Variants in MGA observed in about 807,000 individuals in gnomAD.
The protein encoded by MGA is MAX dimerization protein MGA.
A neutral mutation model predicts 261.1 loss-of-function variants in MGA; 40 were observed. The observed-to-expected ratio is 0.15, with a 90% CI of 0.12 to 0.20. The LOEUF is 0.20. MGA is among the 10% of genes least tolerant of loss of function. MGA has a pLI of 1.00. For synonymous variants in MGA, 1,302 were observed against 1,290.6 expected (o/e 1.01, Z -0.19); for missense variants, 3,397 against 3,630.5 (o/e 0.94, Z 1.65).
chr15:41,702,248 G>A (rs577562475), intron 5 of MGA, among the ~76,000 whole-genome samples: 14 of 151,860 alleles, frequency 9.2e-5, no homozygotes, highest in South Asian at 4.2e-4. Context: ...TTGAAAACCC[G>A]GGAGGCGGAG....
chr15:41,741,962 G>A (rs933401347), intron 14 of MGA, among the ~76,000 whole-genome samples: 3 of 151,348 alleles, frequency 2.0e-5, no homozygotes, highest in Admixed American at 6.6e-5. Flanking sequence ...TGCCCACCTC[G>A]GCCTCCCAAA....
chr15:41,758,906 A>G (rs1300378824), intron 19 of MGA, among the ~76,000 whole-genome samples: 1 of 152,206 alleles, frequency 6.6e-6, no homozygotes, highest in African/African-American at 2.4e-5. Flanking sequence ...TTCACTTTGT[A>G]TGAGTAGTGT....
intron 1 of MGA, among the ~76,000 whole-genome samples, chr15:41,630,395 C>T (rs1317112449): frequency 1.3e-5 from 2 of 152,150 alleles, no homozygotes; most frequent in Non-Finnish European, 2.9e-5. Flanking sequence ...CATTTGTTTT[C>T]CCAGTGCTTG....
At chr15:41,707,687 C>A (rs2151442076) in intron 5 of MGA, 41 bp from the exon 6 acceptor site, 3 of 1,537,604 alleles carry the variant, frequency 2.0e-6, no homozygotes, top group South Asian at 2.5e-5. Flanking sequence ...AATATGATTT[C>A]TGATTAATCT....
At chr15:41,704,539 T>TC (rs994324625) in intron 5 of MGA, among the ~76,000 whole-genome samples, 5 of 152,314 alleles carry the variant, frequency 3.3e-5, no homozygotes, top group East Asian at 3.9e-4. Flanking sequence ...GCACCTGTAG[T>TC]CCCAGCTGCT....
rs561561375 is a variant in MGA at position 41,766,957 on chromosome 15, G to A, written c.8875G>A (p.Glu2959Lys). Residue 2959 changes from glutamate to lysine, a missense_variant, in exon 24 of 24, where the codon GAA becomes AAA. Coordinates refer to ENST00000219905, the MANE Select transcript of MGA (RefSeq NM_001164273.2). ...TACTTCTGGCCTCCCTGCAGAGCCC[G>A]AAAGTGTGTCCTCACCCCCCACCCT... The A allele has an allele frequency of 5.0e-6, 8 of 1,613,968 alleles. No homozygotes were observed. Among genetic ancestry groups the A allele is most frequent in the African/African-American group, 2.7e-5 (2 of 75,042 alleles).
Position 41,698,959 on chromosome 15 carries a change from A to G in MGA, c.2092+18A>G. 2 of 1,546,894 alleles carry G rather than the reference A, an allele frequency of 1.3e-6. No individual in the cohort carries two copies. Among genetic ancestry groups the G allele is most frequent in the Non-Finnish European group, 1.8e-6 (2 of 1,142,808 alleles). On this transcript the variant is annotated intron_variant, in intron 4 of 23. Transcript: ENST00000219905. ...TGACTCAGGTATTATAAAATAGTAT[A>G]AAAAGAGTTGTATTTGTGGTTTGGG...
At chr15:41,700,780 G>A (rs1355342199) in intron 5 of MGA, among the ~76,000 whole-genome samples, 1 of 152,082 alleles carries the variant, frequency 6.6e-6, no homozygotes, top group African/African-American at 2.4e-5. Context: ...GACTATCTTT[G>A]ATTTTAGATA....
At chr15:41,671,642 T>C (rs541887341) in intron 2 of MGA, among the ~76,000 whole-genome samples, 1 of 152,308 alleles carries the variant, frequency 6.6e-6, no homozygotes, top group South Asian at 2.1e-4. Context: ...ACTTGCCTTA[T>C]TTTGAGTTTT....
chr15:41,703,520 A>C lies in MGA; in HGVS notation c.2189-4208A>C, dbSNP rs149400741. Among the ~76,000 whole-genome samples, 657 of 152,164 alleles carry C rather than the reference A, an allele frequency of 4.3e-3. 5 individuals are homozygous for C. Among genetic ancestry groups the C allele is most frequent in the African/African-American group, 0.015 (623 of 41,504 alleles). On this transcript the variant is annotated intron_variant, in intron 5 of 23. Transcript: ENST00000219905. ...TATAAGTTATTTGTAGTTATTTTGC[A>C]CCAGAGATTTATCTATTCTTCTTTT...
chr15:41,737,902 C>T (rs1452098001), intron 13 of MGA, among the ~76,000 whole-genome samples: 1 of 151,670 alleles, frequency 6.6e-6, no homozygotes, highest in Admixed American at 6.6e-5. Context: ...ATCATTTGAA[C>T]CTGGGAGGTG....
At chr15:41,661,352 CA>C (rs1376017214) in intron 1 of MGA, among the ~76,000 whole-genome samples, 1 of 149,782 alleles carries the variant, frequency 6.7e-6, no homozygotes, top group African/African-American at 2.5e-5. Context: ...ACCGCCCCCC[CA>C]AAGCTCCAGT....
chr15:41,714,330 CT>C (rs1397264851), intron 9 of MGA, among the ~76,000 whole-genome samples: 13 of 152,088 alleles, frequency 8.5e-5, no homozygotes, highest in Admixed American at 8.5e-4. Context: ...GTTATAATCC[CT>C]TTGGTTGGAT....
At chr15:41,723,062 TGAG>T (rs2061035971) in intron 9 of MGA, among the ~76,000 whole-genome samples, 1 of 152,154 alleles carries the variant, frequency 6.6e-6, no homozygotes, top group Non-Finnish European at 1.5e-5. Context: ...TCAGTAGAAA[TGAG>T]GAGACCATTT....
intron 1 of MGA, among the ~76,000 whole-genome samples, chr15:41,629,821 T>TTA (rs1350323321): frequency 1.3e-5 from 2 of 152,208 alleles, no homozygotes; most frequent in African/African-American, 4.8e-5. Flanking sequence ...AGACTACTGA[T>TTA]ATCATAGAGT....
chr15:41,706,585 C>CCT (rs1555420400), intron 5 of MGA, among the ~76,000 whole-genome samples: 13 of 136,510 alleles, frequency 9.5e-5, no homozygotes, highest in African/African-American at 3.0e-4. Context: ...TTTTTTTTCC[C>CCT]TTTTTTTTTT....
chr15:41,729,953 T>G (rs1305954230), intron 11 of MGA, among the ~76,000 whole-genome samples: 1 of 152,062 alleles, frequency 6.6e-6, no homozygotes, highest in African/African-American at 2.4e-5. Context: ...AGTGCAATGG[T>G]GTGGTCTCGG....
intron 19 of MGA, among the ~76,000 whole-genome samples, chr15:41,758,924 G>A (rs2063296710): frequency 6.6e-6 from 1 of 152,140 alleles, no homozygotes; most frequent in African/African-American, 2.4e-5. Context: ...TGTTTATAAT[G>A]TCATAATAGT....
chr15:41,746,507 T>C (rs1356398966), intron 15 of MGA, among the ~76,000 whole-genome samples: 2 of 139,468 alleles, frequency 1.4e-5, no homozygotes, highest in Non-Finnish European at 3.0e-5. Context: ...ATCTTGCCAT[T>C]GCACTCCAGC....
Sources: allele counts gnomAD v4.1 joint callset (sites outside exome capture counted in the v4.1 genomes callset), GRCh38; gene constraint gnomAD v4.1.1; transcripts MANE v1.5; gene names NCBI Gene and HGNC (gene_info 2026-07-23, HGNC 2026-07-21).